VWF: variants seen among roughly 807,000 people sequenced by gnomAD.
The protein encoded by VWF is von Willebrand factor.
In VWF, 176 loss-of-function variants were observed where a neutral mutation model predicts 308.6. The ratio of observed to expected loss-of-function variants is 0.57; its 90% confidence interval spans 0.50 to 0.65. VWF has a LOEUF of 0.65. VWF is among the 30% of genes least tolerant of loss of function. The pLI is 0.00. For synonymous variants in VWF, 1,385 were observed against 1,443.4 expected, an observed-to-expected ratio of 0.96 and a Z score of 0.92; for missense variants, 3,146 against 3,648.2, an observed-to-expected ratio of 0.86 and a Z score of 3.55.
intron 5 of VWF, among the ~76,000 whole-genome samples, chr12:6,098,775 A>G (rs1945131291): frequency 6.6e-6 from 1 of 151,048 alleles, no homozygotes. Context: ...ACACCATCTC[A>G]AAAAAAAAGA....
At chr12:5,998,020 C>A (rs1410033053) in intron 34 of VWF, among the ~76,000 whole-genome samples, 1 of 152,174 alleles carries the variant, frequency 6.6e-6, no homozygotes, top group African/African-American at 2.4e-5. Context: ...TTTTCTTCAA[C>A]ATCTTCTTAC....
chr12:6,098,022 A>G (rs909750693), intron 5 of VWF, among the ~76,000 whole-genome samples: 10 of 151,320 alleles, frequency 6.6e-5, no homozygotes, highest in South Asian at 2.2e-4. Context: ...GGTCGTTTTT[A>G]GCCCTGACCA....
At chr12:6,040,118 T>C (rs216339) in intron 18 of VWF, among the ~76,000 whole-genome samples, 140,326 of 152,190 alleles carry the variant, frequency 0.92, 64,843 homozygotes, top group African/African-American at 0.97. Context: ...TCTTCTTCTC[T>C]GCCCTCTACG....
intron 42 of VWF, among the ~76,000 whole-genome samples, chr12:5,978,717 A>G (rs889725229): frequency 1.8e-4 from 28 of 152,340 alleles, no homozygotes; most frequent in African/African-American, 6.7e-4. Flanking sequence ...ACGAGTTTTT[A>G]TCCTCTCTTA....
chr12:6,081,173 C>CA (rs1444235441), intron 6 of VWF, among the ~76,000 whole-genome samples: 1 of 152,206 alleles, frequency 6.6e-6, no homozygotes, highest in East Asian at 1.9e-4. Context: ...AAAGTACTTT[C>CA]AGAGACCATC....
intron 50 of VWF, 116 bp downstream of exon 50, chr12:5,951,728 C>G (rs1355002137): frequency 8.6e-7 from 1 of 1,157,850 alleles, no homozygotes; most frequent in Non-Finnish European, 1.3e-6. Context: ...TGAAATAAAG[C>G]TTACTCCAAA....
chr12:6,000,744 G>A (rs573977685), intron 34 of VWF, among the ~76,000 whole-genome samples: 157 of 148,584 alleles, frequency 1.1e-3, no homozygotes, highest in South Asian at 2.1e-3. Context: ...CCTGGGAGGC[G>A]GAGCTTGCAG....
Position 5,991,199 on chromosome 12 carries a change from ACACACACG to A in VWF, c.6798+612_6798+619del, listed in dbSNP as rs1465046630. Among the ~76,000 whole-genome samples, 325 of 135,228 alleles carry A rather than the reference ACACACACG, an allele frequency of 2.4e-3. 1 individual carries two copies. Among genetic ancestry groups the A allele is most frequent in the East Asian group, 6.7e-3 (28 of 4,172 alleles). 88.7% of individuals were successfully genotyped at this position (135,228 alleles called of 152,430 possible). ...CACACACACACACACACACACACAC[ACACACACG>A]CATGCACACACACGCTCCATGATCA... On this transcript the variant is annotated intron_variant, in intron 38 of 51. Transcript: ENST00000261405.
chr12:6,075,836 C>T lies in VWF; in HGVS notation c.658-285G>A, dbSNP rs1335703625. Among the ~76,000 whole-genome samples the T allele has an allele frequency of 6.6e-6, 1 of 152,186 alleles. No homozygotes were observed. Among genetic ancestry groups the T allele is most frequent in the South Asian group, 2.1e-4 (1 of 4,828 alleles). ...GCCATGGTGGGCAGTGTCCTAGGAA[C>T]GGACAGAGGATGGAGAGAAGCACAA... is the stretch of plus-strand genomic sequence containing the variant. On this transcript the variant is annotated intron_variant, in intron 6 of 51. Transcript: ENST00000261405. The surrounding 1 kb of genome is among the most constrained non-coding windows in gnomAD (Gnocchi z 4.7).
chr12:6,076,130 C>T (rs774366745), intron 6 of VWF, among the ~76,000 whole-genome samples: 1 of 152,094 alleles, frequency 6.6e-6, no homozygotes, highest in South Asian at 2.1e-4. Context: ...CAGTTCCCAT[C>T]AGCAACAGCA....
intron 13 of VWF, among the ~76,000 whole-genome samples, chr12:6,059,205 C>T (rs1944628436): frequency 1.3e-5 from 2 of 152,210 alleles, no homozygotes; most frequent in Non-Finnish European, 2.9e-5. Context: ...CCTTCTCCCA[C>T]CTCCTTATTT....
intron 34 of VWF, among the ~76,000 whole-genome samples, chr12:6,002,268 A>G (rs1591853077): frequency 6.6e-6 from 1 of 152,088 alleles, no homozygotes; most frequent in East Asian, 1.9e-4. Context: ...ATATAAAAAC[A>G]GTAAACATAA....
At chr12:6,072,533 T>G (rs2136470824) in intron 8 of VWF, 91 bp from the exon 9 acceptor site, 1 of 1,091,602 alleles carries the variant, frequency 9.2e-7, no homozygotes, top group Admixed American at 1.9e-5. Flanking sequence ...AATGGTTGGG[T>G]TTCTTCCAGG....
chr12:6,034,775 C>T lies in VWF; in HGVS notation c.2598G>A (p.Thr866=), dbSNP rs756662315. The T allele has an allele frequency of 2.2e-5, 35 of 1,614,114 alleles. No individual in the cohort carries two copies. Among genetic ancestry groups the T allele is most frequent in the South Asian group, 5.5e-5 (5 of 91,086 alleles). The change falls in exon 20 of 52, where the codon ACG becomes ACA. Residue 866 remains threonine (T), a synonymous_variant. Coordinates refer to ENST00000261405, the MANE Select transcript of VWF (RefSeq NM_000552.5). The part of the protein sequence containing the change: ...WNCTDHVCDA[T]CSTIGMAHYL... Reference sequence around the variant, plus strand: ...AGTGGGCCATGCCGATCGTGGAGCACGTGGCATCACACACATGGTCTGTGC... The same window carrying T: ...AGTGGGCCATGCCGATCGTGGAGCATGTGGCATCACACACATGGTCTGTGC...
intron 5 of VWF, 49 bp downstream of exon 5, chr12:6,110,325 T>G: frequency 6.3e-7 from 1 of 1,593,894 alleles, no homozygotes; most frequent in Non-Finnish European, 8.6e-7. Context: ...AGCAAGGAAA[T>G]AAAAAGCATG....
At chr12:5,989,624 T>C (rs759433604) in intron 38 of VWF, among the ~76,000 whole-genome samples, 1 of 152,238 alleles carries the variant, frequency 6.6e-6, no homozygotes, top group South Asian at 2.1e-4. Context: ...TTATACAACT[T>C]GAATGCATAT....
intron 47 of VWF, among the ~76,000 whole-genome samples, chr12:5,963,355 G>A (rs939356386): frequency 6.6e-6 from 1 of 152,168 alleles, no homozygotes; most frequent in Admixed American, 6.5e-5. Flanking sequence ...CAATAAGTAT[G>A]TAAGATGCTC....
intron 18 of VWF, among the ~76,000 whole-genome samples, chr12:6,040,809 C>A (rs1456272673): frequency 6.6e-6 from 1 of 152,188 alleles, no homozygotes; most frequent in African/African-American, 2.4e-5. Context: ...AACCTCTGCT[C>A]TAAGCAGGTG....
chr12:5,964,848 A>G (rs1943381412), intron 47 of VWF, among the ~76,000 whole-genome samples: 1 of 152,204 alleles, frequency 6.6e-6, no homozygotes, highest in Non-Finnish European at 1.5e-5. Flanking sequence ...GATTTGGAAG[A>G]AAAGGGAAAG....
Sources: allele counts gnomAD v4.1 joint callset (sites outside exome capture counted in the v4.1 genomes callset), GRCh38; gene constraint gnomAD v4.1.1; non-coding constraint Gnocchi (gnomAD v3.1); transcripts MANE v1.5; gene names NCBI Gene and HGNC (gene_info 2026-07-23, HGNC 2026-07-21).